The following TMEM63A variants were observed in gnomAD, a reference collection of about 807,000 sequenced individuals.
TMEM63A encodes the protein mechanosensitive cation channel TMEM63A.
TMEM63A carries 76 observed loss-of-function variants against 100.6 expected under a neutral mutation model. That is an observed-to-expected ratio of 0.76 (90% confidence interval 0.63 to 0.91). The LOEUF (loss-of-function observed/expected upper bound fraction) is 0.91. TMEM63A is among the 40% of genes least tolerant of loss of function. The probability of loss-of-function intolerance (pLI) is 0.00; values close to 1 mark genes in which losing one functional copy is unlikely to be tolerated. For synonymous variants in TMEM63A, 401 were observed against 401.1 expected (o/e 1.00, Z 0.00); for missense variants, 876 against 1,008.8 (o/e 0.87, Z 1.78).
intron 6 of TMEM63A, 59 bp from the exon 7 acceptor site, chr1:225,868,089 G>T: frequency 1.3e-6 from 2 of 1,598,226 alleles, no homozygotes; most frequent in Non-Finnish European, 1.7e-6. Flanking sequence ...GGCTCTGCAT[G>T]AAGTGTCTCA....
intron 4 of TMEM63A, among the ~76,000 whole-genome samples, chr1:225,873,874 C>T (rs959950847): frequency 2.0e-5 from 3 of 152,168 alleles, no homozygotes; most frequent in South Asian, 2.1e-4. Flanking sequence ...CAGAGGATGA[C>T]GAAAGCCCTC....
chr1:225,877,666 G>A lies in TMEM63A; in HGVS notation c.-14-72C>T, dbSNP rs111823750. The A allele has an allele frequency of 8.5e-5, 123 of 1,453,518 alleles. No individual in the cohort carries two copies. The African/African-American group carries it at 1.5e-3, about 17-fold the overall frequency. The allele number at this position is 1,453,518 out of a possible 1,614,324, so 90.0% of individuals were successfully genotyped here. A position where few individuals can be genotyped will look rare whatever the true frequency, so the allele number is the denominator to read the frequency against. On this transcript the variant is annotated intron_variant, in intron 2 of 24. Transcript: ENST00000366835. Reference sequence around the variant, plus strand: ...TTCTTGCAGGTTCCCACCAGTGCTGGCAGAGCCAAAGGCAGGCGTTTCCCA... The same window carrying A: ...TTCTTGCAGGTTCCCACCAGTGCTGACAGAGCCAAAGGCAGGCGTTTCCCA...
At chr1:225,841,601 C>CTTTTT (rs35827447), downstream of TMEM63A, among the ~76,000 whole-genome samples, 1 of 104,426 alleles carries the variant, frequency 9.6e-6, no homozygotes, top group East Asian at 2.8e-4. Context: ...CTGTCCCAGC[C>CTTTTT]TTTTTTTTTT....
At chr1:225,849,033 G>A (rs1214398184) in intron 21 of TMEM63A, 21 bp from the exon 22 acceptor site, 1 of 1,263,222 alleles carries the variant, frequency 7.9e-7, no homozygotes, top group African/African-American at 1.5e-5. Context: ...AGGGTGGCTA[G>A]CCTTGGGGTG....
downstream of TMEM63A, chr1:225,845,383 C>CCTGCCA: frequency 6.5e-7 from 1 of 1,539,862 alleles, no homozygotes; most frequent in Non-Finnish European, 8.7e-7. Flanking sequence ...CCTCCCCCCA[C>CCTGCCA]AAGTGCCCTC....
Position 225,877,488 on chromosome 1 carries a change from A to G in TMEM63A, c.93T>C (p.Tyr31=). The G allele has an allele frequency of 6.2e-7, 1 of 1,614,168 alleles. No homozygotes were observed. The highest frequency in any genetic ancestry group is 8.5e-7 in the Non-Finnish European group (1 of 1,180,022). ...LGLGDRPNDS[Y]CYNSAKNSTV... is the part of the protein sequence containing the mutation. ...TGCTGTTTTTGGCCGAGTTGTAGCAATAGGAGTCGTTGGGCCGGTCCCCGA... is the reference window on the plus strand; with the variant it reads ...TGCTGTTTTTGGCCGAGTTGTAGCAGTAGGAGTCGTTGGGCCGGTCCCCGA... The change falls in exon 3 of 25, where the codon TAT becomes TAC. Residue 31 remains tyrosine (Y), a synonymous_variant. Coordinates refer to ENST00000366835, the MANE Select transcript of TMEM63A (RefSeq NM_014698.3).
In TMEM63A at chr1:225,856,938, G is replaced by T; in HGVS notation, c.1457C>A (p.Ser486Tyr). 1 of 1,609,062 alleles carries T rather than the reference G, an allele frequency of 6.2e-7. No individual in the cohort carries two copies. The highest frequency in any genetic ancestry group is 8.5e-7 in the Non-Finnish European group (1 of 1,178,668). The change falls in exon 16 of 25, where the codon TCT becomes TAT. Residue 486 changes from serine to tyrosine, a missense_variant. By Grantham distance (144) the Ser-to-Tyr change is moderately radical. Coordinates refer to ENST00000366835, the MANE Select transcript of TMEM63A (RefSeq NM_014698.3). ...SALLPSIVYYSTLLESHWTKS... is the reference protein window; with the variant it reads ...SALLPSIVYYYTLLESHWTKS... ...GGTCCAGTGAGACTCCAGCAGTGTAGAGTAGTAGACAATGGAGGGGAGCAG... is the reference window on the plus strand; with the variant it reads ...GGTCCAGTGAGACTCCAGCAGTGTATAGTAGTAGACAATGGAGGGGAGCAG...
Position 225,862,842 on chromosome 1 carries a change from A to G in TMEM63A, c.756T>C (p.Tyr252=), listed in dbSNP as rs1260031899. ...GCACATCAACCACCTCACACGTGGG[A>G]TACGCGTCCCTGTGGCCAGGGAGAG... ...ETVESHFRDA[Y]PTCEVVDVQL... The change falls in exon 11 of 25, where the codon TAT becomes TAC. Residue 252 remains tyrosine (Y), a synonymous_variant. Transcript: ENST00000366835. This position sits in a 1 kb window ranked among gnomAD's most constrained non-coding sequence, Gnocchi z 5.1. The G allele has an allele frequency of 6.2e-7, 1 of 1,613,828 alleles. No individual in the cohort carries two copies. The highest frequency in any genetic ancestry group is 1.1e-5 in the South Asian group (1 of 91,052).
At position 225,865,979 on chromosome 1, in the gene TMEM63A, A is replaced by C. The variant is rs748311651; in HGVS notation, c.676-12T>G. ...AGGGTCCGCCTCACCTGTCCGGGAA[A>C]TACAGCAGGGAGAGAAGTCACCCAC... On this transcript the variant is annotated splice_polypyrimidine_tract_variant and intron_variant, in intron 9 of 24. Transcript: ENST00000366835. This position sits in a 1 kb window ranked among gnomAD's most constrained non-coding sequence, Gnocchi z 4.6. The C allele has an allele frequency of 6.2e-7, 1 of 1,613,570 alleles. No individual in the cohort carries two copies. The highest frequency in any genetic ancestry group is 8.5e-7 in the Non-Finnish European group (1 of 1,179,692).
At chr1:225,870,051 A>G (rs1033272169) in intron 6 of TMEM63A, among the ~76,000 whole-genome samples, 1 of 152,056 alleles carries the variant, frequency 6.6e-6, no homozygotes, top group Non-Finnish European at 1.5e-5. Context: ...AGTGCTATAT[A>G]AAATAACATG....
At position 225,867,301 on chromosome 1, in the gene TMEM63A, T is replaced by C; in HGVS notation, c.515-138A>G. The C allele has an allele frequency of 1.1e-6, 1 of 887,924 alleles. No individual in the cohort carries two copies. Among genetic ancestry groups the C allele is most frequent in the East Asian group, 2.4e-5 (1 of 41,578 alleles). 55.0% of individuals were successfully genotyped at this position (887,924 alleles called of 1,614,324 possible). A position where few individuals can be genotyped will look rare whatever the true frequency, so the allele number is the denominator to read the frequency against. On this transcript the variant is annotated intron_variant, in intron 7 of 24. Transcript: ENST00000366835. The surrounding 1 kb of genome is among the most constrained non-coding windows in gnomAD (Gnocchi z 4.6). ...GCAGGAAGACAACGTCTGACTGGTCTTTCCAGAGCTACACCATCAAGGCCT... is the reference window on the plus strand; with the variant it reads ...GCAGGAAGACAACGTCTGACTGGTCCTTCCAGAGCTACACCATCAAGGCCT...
Position 225,871,899 on chromosome 1 carries a change from C to T in TMEM63A, c.333+88G>A, listed in dbSNP as rs1420304255. On this transcript the variant is annotated intron_variant, in intron 5 of 24. Transcript: ENST00000366835. ...AAAGCACTTTCTCCAGCACTTGCCG[C>T]TCAAGATCCGCCCTGCTCCCTCCCC... 3 of 1,024,722 alleles carry T rather than the reference C, an allele frequency of 2.9e-6. No individual in the cohort carries two copies. In the East Asian group the frequency reaches 7.3e-5, roughly 25 times the overall value. 63.5% of individuals were successfully genotyped at this position (1,024,722 alleles called of 1,614,324 possible).
At chr1:225,866,138 G>A (rs924408650) in intron 9 of TMEM63A, 171 bp from the exon 10 acceptor site, 10 of 649,190 alleles carry the variant, frequency 1.5e-5, no homozygotes, top group South Asian at 3.6e-5. Context: ...TTTACACAGC[G>A]TCTTCTTCCA....
At chr1:225,860,669 C>T in intron 14 of TMEM63A, 191 bp downstream of exon 14, 1 of 483,508 alleles carries the variant, frequency 2.1e-6, no homozygotes, top group Admixed American at 4.3e-5. Flanking sequence ...TAGGGAGGAA[C>T]ACTGGAGGGA....
rs750778966 is a variant in TMEM63A, at chr1:225,862,412, G to A, written c.951+43C>T. 8 of 1,613,632 alleles carry A rather than the reference G, an allele frequency of 5.0e-6. No homozygotes were observed. Among genetic ancestry groups the A allele is most frequent in the Middle Eastern group, 1.6e-4 (1 of 6,080 alleles). ...CCCATGCTGGTATCTGGGGCACCCCGATGCCAATGCCTCTGCTCCCAGCCG... is the reference window on the plus strand; with the variant it reads ...CCCATGCTGGTATCTGGGGCACCCCAATGCCAATGCCTCTGCTCCCAGCCG... On this transcript the variant is annotated intron_variant, in intron 12 of 24. Coordinates refer to ENST00000366835, the MANE Select transcript of TMEM63A (RefSeq NM_014698.3). This position sits in a 1 kb window ranked among gnomAD's most constrained non-coding sequence, Gnocchi z 5.1.
intron 15 of TMEM63A, among the ~76,000 whole-genome samples, chr1:225,858,486 A>G (rs1367688746): frequency 6.6e-6 from 1 of 151,810 alleles, no homozygotes; most frequent in African/African-American, 2.4e-5. Context: ...CAACACGCCC[A>G]GCTAATTTTT....
At chr1:225,856,605 G>A (rs752204454) in intron 17 of TMEM63A, 47 bp downstream of exon 17, 2 of 1,593,862 alleles carry the variant, frequency 1.3e-6, no homozygotes, top group South Asian at 2.2e-5. Context: ...GTGCTCTCCT[G>A]ATGTGACTCT....
Position 225,860,846 on chromosome 1 carries a change from G to A in TMEM63A, c.1223+14C>T, listed in dbSNP as rs1289238982. ...CAGGCCTCTCTCCCACCTCTCCTTG[G>A]TCTAGGAGCTTACCAGCAGATGTCC... On this transcript the variant is annotated intron_variant, in intron 14 of 24. Transcript: ENST00000366835. The A allele has an allele frequency of 1.2e-6, 2 of 1,601,352 alleles. No homozygotes were observed. The highest frequency in any genetic ancestry group is 8.5e-7 in the Non-Finnish European group (1 of 1,173,592).
chr1:225,841,287 A>G (rs537237096), downstream of TMEM63A: 1 of 152,140 alleles, frequency 6.6e-6, no homozygotes, highest in East Asian at 1.9e-4. Context: ...AGCTTTATTT[A>G]TTTATTTTTT....
Sources: gnomAD v4.1 joint callset for allele counts (sites outside exome capture counted in the v4.1 genomes callset) on GRCh38, gnomAD v4.1.1 for gene constraint, Gnocchi (gnomAD v3.1) non-coding constraint, MANE v1.5 for transcripts, NCBI Gene and HGNC (gene_info 2026-07-23, HGNC 2026-07-21) for gene names.